Variants in PLAC8 observed in about 807,000 individuals in gnomAD.
PLAC8 encodes placenta-specific gene 8 protein.
Under a neutral mutation model 12.6 loss-of-function variants are expected in PLAC8, and 6 were observed. The observed-to-expected ratio is 0.48, with a 90% confidence interval of 0.26 to 0.94. PLAC8 has a LOEUF of 0.94. PLAC8 is among the 40% of genes least tolerant of loss of function. The probability of loss-of-function intolerance (pLI) is 0.14; values close to 1 mark genes in which losing one functional copy is unlikely to be tolerated. For synonymous variants in PLAC8, 54 were observed against 52.6 expected, an observed-to-expected ratio of 1.03 and a Z score of -0.11; for missense variants, 122 against 152.7, an observed-to-expected ratio of 0.80 and a Z score of 1.06.
At chr4:83,113,118 T>C (rs756987197) in intron 1 of PLAC8, among the ~76,000 whole-genome samples, 1 of 152,228 alleles carries the variant, frequency 6.6e-6, no homozygotes, top group Non-Finnish European at 1.5e-5. Flanking sequence ...TTAGATAGAA[T>C]GAGCTAGGGT....
intron 3 of PLAC8, among the ~76,000 whole-genome samples, chr4:83,097,547 GATA>G (rs1387012398): frequency 1.3e-5 from 2 of 152,156 alleles, no homozygotes; most frequent in Admixed American, 6.5e-5. Context: ...TGGAGGCTTA[GATA>G]ATATATAAGG....
intron 4 of PLAC8, chr4:83,092,752 T>C (rs1205232824): frequency 1.3e-5 from 2 of 152,014 alleles, no homozygotes. Flanking sequence ...TTTGCCTCTC[T>C]AGTTTCATTA....
chr4:83,105,026 CA>C lies in PLAC8; in HGVS notation c.119-7del, dbSNP rs775695679. 1 of 1,614,044 alleles carries C rather than the reference CA, an allele frequency of 6.2e-7. No homozygotes were observed. The highest frequency in any genetic ancestry group is 1.1e-5 in the South Asian group (1 of 91,078). On this transcript the variant is annotated splice_region_variant and splice_polypyrimidine_tract_variant and intron_variant, in intron 2 of 4. Transcript: ENST00000311507. ...ACAAAATGTGCCACAGAGACCTAGA[CA>C]CATGAAACCAGGGGTACATATTACT... is the stretch of plus-strand genomic sequence containing the variant.
chr4:83,100,114 T>C (rs1235495066), intron 3 of PLAC8, among the ~76,000 whole-genome samples: 1 of 151,502 alleles, frequency 6.6e-6, no homozygotes, highest in African/African-American at 2.4e-5. Flanking sequence ...ACCCCGTCTC[T>C]ACTAAAAATA....
intron 3 of PLAC8, 59 bp from the exon 4 acceptor site, chr4:83,094,850 T>A: frequency 1.0e-6 from 1 of 967,888 alleles, no homozygotes; most frequent in Non-Finnish European, 1.5e-6. Context: ...AATTAAGACT[T>A]GCCACATCTT....
chr4:83,105,973 TGA>T (rs1732227565), intron 2 of PLAC8, among the ~76,000 whole-genome samples: 1 of 152,102 alleles, frequency 6.6e-6, no homozygotes, highest in Admixed American at 6.5e-5. Flanking sequence ...GCTATGCTAC[TGA>T]GTGTGTAATT....
chr4:83,107,209 A>C (rs1402504901), intron 2 of PLAC8, among the ~76,000 whole-genome samples: 42 of 64,328 alleles, frequency 6.5e-4, no homozygotes, highest in African/African-American at 1.8e-3. Flanking sequence ...TCAAAAACAA[A>C]CAAAAAAAAA....
intron 3 of PLAC8, among the ~76,000 whole-genome samples, chr4:83,100,559 G>A (rs1019558635): frequency 7.0e-6 from 1 of 143,222 alleles, no homozygotes; most frequent in Non-Finnish European, 1.5e-5. Context: ...ATAGCAATGC[G>A]AGAACGGACT....
At chr4:83,114,630 G>A (rs1159333307) in intron 1 of PLAC8, 36 bp downstream of exon 1, 1 of 151,470 alleles carries the variant, frequency 6.6e-6, no homozygotes, top group Non-Finnish European at 1.5e-5. Context: ...TGAATGCTAA[G>A]TTTTTAAAAC....
rs70946974 is a variant in PLAC8, at chr4:83,107,620, C to CTTTTTT, written c.118+178_118+183dup. On this transcript the variant is annotated intron_variant, in intron 2 of 4. Transcript: ENST00000311507. ...GAAAATTAAGTTATCCATACGGAGG[C>CTTTTTT]TTTTTTTTTTTTTTTTTTTTTTTTT... Among the ~76,000 whole-genome samples, 5 of 13,856 alleles carry CTTTTTT rather than the reference C, an allele frequency of 3.6e-4. 2 individuals carry two copies. The highest frequency in any genetic ancestry group is 5.8e-4 in the Non-Finnish European group (3 of 5,216). 9.1% of individuals were successfully genotyped at this position (13,856 alleles called of 152,430 possible). A position where few individuals can be genotyped will look rare whatever the true frequency, so the allele number is the denominator to read the frequency against.
Position 83,101,739 on chromosome 4 carries a change from T to G in PLAC8, c.243+3157A>C, listed in dbSNP as rs529722684. Among the ~76,000 whole-genome samples, 4 of 152,340 alleles carry G rather than the reference T, an allele frequency of 2.6e-5. No individual in the cohort carries two copies. The East Asian group carries it at 5.8e-4, about 22-fold the overall frequency. On this transcript the variant is annotated intron_variant, in intron 3 of 4. Transcript: ENST00000311507. ...AGATAATGCAACTGGTGACTTTAAGTTGAAGCCAATGCTCATTTACTATTT... is the reference window on the plus strand; with the variant it reads ...AGATAATGCAACTGGTGACTTTAAGGTGAAGCCAATGCTCATTTACTATTT...
intron 1 of PLAC8, among the ~76,000 whole-genome samples, chr4:83,111,406 C>T (rs552591968): frequency 1.1e-4 from 16 of 152,032 alleles, no homozygotes; most frequent in African/African-American, 3.9e-4. Context: ...GTGGCTAACG[C>T]CTGTAATCCT....
At chr4:83,096,821 T>C (rs1272442312) in intron 3 of PLAC8, among the ~76,000 whole-genome samples, 1 of 152,248 alleles carries the variant, frequency 6.6e-6, no homozygotes, top group Admixed American at 6.5e-5. Flanking sequence ...CAGAGCTAAA[T>C]CTTGTGACCA....
At chr4:83,107,223 C>CAA (rs70946973) in intron 2 of PLAC8, among the ~76,000 whole-genome samples, 1 of 139,780 alleles carries the variant, frequency 7.2e-6, no homozygotes, top group African/African-American at 2.8e-5. Flanking sequence ...AAAAAAAAAA[C>CAA]AAAAAAAAAA....
chr4:83,098,213 TA>T (rs1427461687), intron 3 of PLAC8, among the ~76,000 whole-genome samples: 2 of 152,168 alleles, frequency 1.3e-5, no homozygotes, highest in African/African-American at 2.4e-5. Context: ...ACTGAAGGTT[TA>T]AGCAAAGTGA....
At chr4:83,101,235 CT>C (rs1732093264) in intron 3 of PLAC8, among the ~76,000 whole-genome samples, 1 of 152,124 alleles carries the variant, frequency 6.6e-6, no homozygotes, top group Non-Finnish European at 1.5e-5. Flanking sequence ...AAAAAATTAG[CT>C]GGGTGTGGCG....
chr4:83,107,608 T>C (rs1363469482), intron 2 of PLAC8, among the ~76,000 whole-genome samples, 196 bp downstream of exon 2: 7 of 119,702 alleles, frequency 5.8e-5, no homozygotes, highest in Non-Finnish European at 1.0e-4. Context: ...AATTAAGTTA[T>C]CCATACGGAG....
In PLAC8 at chr4:83,101,459, T is replaced by A. The variant is rs550061661; in HGVS notation, c.243+3437A>T. ...AGCTAAAAGAGGTTGCTTCATGAGG[T>A]TTAAGGAAAGATGTCTTCTCCGTAA... On this transcript the variant is annotated intron_variant, in intron 3 of 4. Transcript: ENST00000311507. 2.2e-4 allele frequency among the ~76,000 whole-genome samples: 33 copies of A among 152,116 alleles called. No individual in the cohort carries two copies. The South Asian group carries it at 6.9e-3, about 32-fold the overall frequency.
At chr4:83,108,817 TTG>T (rs2126143804) in intron 1 of PLAC8, among the ~76,000 whole-genome samples, 1 of 152,352 alleles carries the variant, frequency 6.6e-6, no homozygotes, top group East Asian at 1.9e-4. Context: ...TCCTAAACTT[TTG>T]TGTATATCCC....
Sources: gnomAD v4.1 joint callset for allele counts (sites outside exome capture counted in the v4.1 genomes callset) on GRCh38, gnomAD v4.1.1 for gene constraint, MANE v1.5 for transcripts, NCBI Gene and HGNC (gene_info 2026-07-23, HGNC 2026-07-21) for gene names.